Variants in GRIA4 observed in about 807,000 individuals in gnomAD.
GRIA4 encodes glutamate receptor 4.
GRIA4 carries 34 observed loss-of-function variants against 104.0 expected under a neutral mutation model. That is an observed-to-expected ratio of 0.33 (90% confidence interval 0.25 to 0.44). The LOEUF (loss-of-function observed/expected upper bound fraction) is 0.44. Among genes scored for constraint, GRIA4 ranks in the 20% least tolerant of loss-of-function variants. GRIA4 has a pLI of 1.00. For missense variants in GRIA4, 750 were observed against 1,096.5 expected, an observed-to-expected ratio of 0.68 and a Z score of 4.46; for synonymous variants, 386 against 381.9, an observed-to-expected ratio of 1.01 and a Z score of -0.13.
chr11:105,736,223 T>C (rs1938934806), intron 3 of GRIA4, among the ~76,000 whole-genome samples: 1 of 152,102 alleles, frequency 6.6e-6, no homozygotes, highest in African/African-American at 2.4e-5. Flanking sequence ...TCAGATTCAT[T>C]ACTGACCTCA....
At chr11:105,693,059 C>T (rs1005845684) in intron 3 of GRIA4, among the ~76,000 whole-genome samples, 4 of 152,124 alleles carry the variant, frequency 2.6e-5, no homozygotes, top group South Asian at 2.1e-4. Context: ...ATCTTTGCAC[C>T]GCTTTATGTT....
At chr11:105,910,383 C>G in intron 9 of GRIA4, 52 bp from the exon 10 acceptor site, 3 of 860,612 alleles carry the variant, frequency 3.5e-6, no homozygotes, top group Non-Finnish European at 6.0e-6. Flanking sequence ...CTAAGAAGAA[C>G]TAGAGTAAAT....
At chr11:105,692,227 T>A (rs1298014547) in intron 3 of GRIA4, among the ~76,000 whole-genome samples, 1 of 151,924 alleles carries the variant, frequency 6.6e-6, no homozygotes, top group Non-Finnish European at 1.5e-5. Flanking sequence ...TTAGGCACAT[T>A]ACATATATAA....
chr11:105,784,151 TAGAAC>T (rs1156951626), intron 4 of GRIA4, among the ~76,000 whole-genome samples: 1 of 152,148 alleles, frequency 6.6e-6, no homozygotes, highest in East Asian at 1.9e-4. Flanking sequence ...GAAAAATGCT[TAGAAC>T]AGTACCTGGG....
At chr11:105,895,634 A>AGG (rs1946624895) in intron 6 of GRIA4, among the ~76,000 whole-genome samples, 6 of 139,730 alleles carry the variant, frequency 4.3e-5, no homozygotes, top group African/African-American at 1.1e-4. Flanking sequence ...AGGGAGGGAG[A>AGG]GAGAGAGAGA....
intron 11 of GRIA4, 65 bp downstream of exon 11, chr11:105,918,983 C>T: frequency 1.0e-6 from 1 of 956,288 alleles, no homozygotes; most frequent in Admixed American, 1.7e-5. Context: ...CCCTTGGGCA[C>T]ATAACAATTT....
intron 3 of GRIA4, among the ~76,000 whole-genome samples, chr11:105,636,554 A>T (rs1489883644): frequency 2.6e-5 from 4 of 152,110 alleles, no homozygotes; most frequent in African/African-American, 9.7e-5. Context: ...CCAGGCCTAA[A>T]ATAGAAAGGA....
intron 3 of GRIA4, among the ~76,000 whole-genome samples, chr11:105,625,611 C>T (rs7115187): frequency 0.86 from 130,920 of 152,080 alleles, 57,483 homozygotes; most frequent in East Asian, 0.98. Context: ...ACCCCTGTTA[C>T]GATCAGTATA....
intron 6 of GRIA4, among the ~76,000 whole-genome samples, chr11:105,888,917 G>C (rs1378760801): frequency 2.0e-5 from 3 of 151,722 alleles, no homozygotes; most frequent in Non-Finnish European, 4.4e-5. Flanking sequence ...TTTTAGTAGA[G>C]TGTTTCACTA....
chr11:105,891,041 T>C (rs918683700), intron 6 of GRIA4, among the ~76,000 whole-genome samples: 1 of 152,206 alleles, frequency 6.6e-6, no homozygotes, highest in South Asian at 2.1e-4. Context: ...AAACCTTATC[T>C]GTCAGTTGGT....
chr11:105,865,739 T>A lies in GRIA4; in HGVS notation c.672+3531T>A, dbSNP rs1224245647. On this transcript the variant is annotated intron_variant, in intron 5 of 16. Coordinates refer to ENST00000282499, the MANE Select transcript of GRIA4 (RefSeq NM_000829.4). The stretch of plus-strand genomic sequence containing the variant: ...CTATGGATTCTACCTAATAACGTTA[T>A]CAATTGAACATTGAAGTGTCAGACT... 2.6e-5 allele frequency among the ~76,000 whole-genome samples: 4 copies of A among 152,314 alleles called. No individual in the cohort carries two copies. The East Asian group carries it at 5.8e-4, about 22-fold the overall frequency.
At chr11:105,889,859 C>T (rs1325443722) in intron 6 of GRIA4, among the ~76,000 whole-genome samples, 1 of 152,106 alleles carries the variant, frequency 6.6e-6, no homozygotes, top group Non-Finnish European at 1.5e-5. Flanking sequence ...TATTGTATGT[C>T]TATATGCTAG....
intron 3 of GRIA4, among the ~76,000 whole-genome samples, chr11:105,620,593 C>A (rs1420506729): frequency 2.0e-5 from 3 of 151,676 alleles, no homozygotes; most frequent in Admixed American, 2.0e-4. Flanking sequence ...TTTTACTTAC[C>A]CCAACAAATA....
chr11:105,843,980 T>A (rs1944484183), intron 4 of GRIA4, among the ~76,000 whole-genome samples: 1 of 152,200 alleles, frequency 6.6e-6, no homozygotes, highest in South Asian at 2.1e-4. Context: ...GTGTCTTATT[T>A]ATCTCTGTTT....
At chr11:105,910,682 G>T in intron 10 of GRIA4, 137 bp downstream of exon 10, 1 of 579,226 alleles carries the variant, frequency 1.7e-6, no homozygotes. Flanking sequence ...AAATCCTATT[G>T]AGGCTTTGAA....
Position 105,750,024 on chromosome 11 carries a change from T to A in GRIA4, c.248-2957T>A, listed in dbSNP as rs563869105. Among the ~76,000 whole-genome samples, 822 of 152,324 alleles carry A rather than the reference T, an allele frequency of 5.4e-3. 7 individuals are homozygous for A. Among genetic ancestry groups the A allele is most frequent in the Non-Finnish European group, 9.7e-3 (660 of 68,018 alleles). On this transcript the variant is annotated intron_variant, in intron 3 of 16. Transcript: ENST00000282499. ...CACATTCAATTCAGCTTAGTTTACT[T>A]TCATTAATTTGTTTGAATTTATATA...
intron 4 of GRIA4, among the ~76,000 whole-genome samples, chr11:105,777,471 TC>T (rs1487987267): frequency 6.6e-6 from 1 of 152,190 alleles, no homozygotes; most frequent in African/African-American, 2.4e-5. Flanking sequence ...TATGTGTCTT[TC>T]CTTATATTCT....
intron 5 of GRIA4, among the ~76,000 whole-genome samples, chr11:105,886,799 T>C (rs1311103485): frequency 6.6e-6 from 1 of 152,024 alleles, no homozygotes; most frequent in African/African-American, 2.4e-5. Context: ...ATGAGAGTTG[T>C]AATCTCTAAT....
At chr11:105,858,022 G>A (rs1309127166) in intron 4 of GRIA4, among the ~76,000 whole-genome samples, 1 of 152,036 alleles carries the variant, frequency 6.6e-6, no homozygotes, top group African/African-American at 2.4e-5. Context: ...AGTAGCTCAG[G>A]ACTGCTTACC....
Sources: gnomAD v4.1 joint callset for allele counts (sites outside exome capture counted in the v4.1 genomes callset) on GRCh38, gnomAD v4.1.1 for gene constraint, MANE v1.5 for transcripts, NCBI Gene and HGNC (gene_info 2026-07-23, HGNC 2026-07-21) for gene names.